The following PTPRM variants were observed in gnomAD, a reference collection of about 807,000 sequenced individuals.
The protein encoded by PTPRM is receptor-type tyrosine-protein phosphatase mu.
Under a neutral mutation model 186.7 loss-of-function variants are expected in PTPRM, and 47 were observed. That is an observed-to-expected ratio of 0.25 (90% CI 0.20 to 0.32). The LOEUF is 0.32. Ranked by LOEUF, PTPRM falls within the 10% of genes least tolerant of loss-of-function variation. The probability of loss-of-function intolerance (pLI) is 1.00; values close to 1 mark genes in which losing one functional copy is unlikely to be tolerated. For synonymous variants in PTPRM, 668 were observed against 674.9 expected, an observed-to-expected ratio of 0.99 and a Z score of 0.16; for missense variants, 1,494 against 1,865.0, an observed-to-expected ratio of 0.80 and a Z score of 3.66.
At chr18:8,291,658 G>T (rs536875884) in intron 19 of PTPRM, among the ~76,000 whole-genome samples, 1 of 152,040 alleles carries the variant, frequency 6.6e-6, no homozygotes. Flanking sequence ...AAAAATGCAC[G>T]GGTGAACATC....
At chr18:7,939,769 C>T (rs1809369007) in intron 5 of PTPRM, among the ~76,000 whole-genome samples, 1 of 152,142 alleles carries the variant, frequency 6.6e-6, no homozygotes, top group Non-Finnish European at 1.5e-5. Context: ...CCAGTGAACT[C>T]TCATATGGTA....
At chr18:7,917,272 G>A (rs907773801) in intron 4 of PTPRM, among the ~76,000 whole-genome samples, 2 of 152,206 alleles carry the variant, frequency 1.3e-5, no homozygotes, top group Admixed American at 6.5e-5. Flanking sequence ...GGTGGCTCAC[G>A]CCTGTAATCC....
At chr18:8,323,678 T>C (rs1208308147) in intron 22 of PTPRM, among the ~76,000 whole-genome samples, 2 of 152,138 alleles carry the variant, frequency 1.3e-5, no homozygotes, top group African/African-American at 4.8e-5. Flanking sequence ...TTTGTCTCCA[T>C]CAGCATTAGC....
chr18:7,705,393 CTCTT>C (rs977173582), intron 1 of PTPRM, among the ~76,000 whole-genome samples: 10 of 149,114 alleles, frequency 6.7e-5, no homozygotes, highest in African/African-American at 1.0e-4. Context: ...ATCTGCCTCT[CTCTT>C]TCTTTCTCTT....
At chr18:7,833,878 T>G (rs2045891124) in intron 2 of PTPRM, among the ~76,000 whole-genome samples, 1 of 152,194 alleles carries the variant, frequency 6.6e-6, no homozygotes, top group African/African-American at 2.4e-5. Context: ...CATCTTTAGG[T>G]TTTTCTAAAT....
chr18:7,918,609 T>C (rs1481721837), intron 4 of PTPRM, among the ~76,000 whole-genome samples: 1 of 152,192 alleles, frequency 6.6e-6, no homozygotes, highest in African/African-American at 2.4e-5. Flanking sequence ...TCAGTGAATC[T>C]GAAGACAGCT....
At chr18:8,219,666 T>TG (rs1182096436) in intron 14 of PTPRM, among the ~76,000 whole-genome samples, 2 of 152,098 alleles carry the variant, frequency 1.3e-5, no homozygotes, top group African/African-American at 4.8e-5. Context: ...TATCTTGAGG[T>TG]GGAGGCTTAC....
At chr18:7,616,465 T>C (rs2037808090) in intron 1 of PTPRM, among the ~76,000 whole-genome samples, 1 of 152,128 alleles carries the variant, frequency 6.6e-6, no homozygotes, top group Non-Finnish European at 1.5e-5. Flanking sequence ...AATGCTCCAC[T>C]GCAGATCTCA....
intron 5 of PTPRM, among the ~76,000 whole-genome samples, chr18:7,947,566 G>A (rs1305285060): frequency 2.0e-5 from 3 of 152,146 alleles, no homozygotes; most frequent in Non-Finnish European, 2.9e-5. Context: ...TGAGCACACA[G>A]GTGCTTGCCC....
Position 8,399,348 on chromosome 18 carries a change from C to T in PTPRM, c.4344+4737C>T, listed in dbSNP as rs139456469. 1.7e-4 allele frequency among the ~76,000 whole-genome samples: 26 copies of T among 152,288 alleles called. No homozygotes were observed. The East Asian group carries it at 5.0e-3, about 29-fold the overall frequency. ...CCTATTTCAAAGTTCAGTTGGATGG[C>T]GACGTAGCACCTAGCACGAGGGACT... On this transcript the variant is annotated intron_variant, in intron 32 of 32. Transcript: ENST00000580170.
intron 8 of PTPRM, among the ~76,000 whole-genome samples, chr18:8,075,850 G>A (rs1474226573): frequency 1.3e-5 from 2 of 151,932 alleles, no homozygotes; most frequent in East Asian, 3.9e-4. Context: ...CAGTGTTATG[G>A]TTATAACTTG....
chr18:7,613,904 A>G (rs1007095711), intron 1 of PTPRM, among the ~76,000 whole-genome samples: 1 of 152,180 alleles, frequency 6.6e-6, no homozygotes, highest in African/African-American at 2.4e-5. Flanking sequence ...GCTCTGTTGA[A>G]TGGAAATCTG....
chr18:7,972,478 T>TAAAAAAAAAAAAAAAAAAAAA (rs1491072208), intron 7 of PTPRM, among the ~76,000 whole-genome samples: 1 of 8,132 alleles, frequency 1.2e-4, no homozygotes, highest in Non-Finnish European at 2.9e-4. Context: ...AAAAAAAACA[T>TAAAAAAAAAAAAAAAAAAAAA]TAAAAAAAAA....
chr18:8,186,493 T>C (rs1011143035), intron 14 of PTPRM, among the ~76,000 whole-genome samples: 48 of 152,212 alleles, frequency 3.2e-4, no homozygotes, highest in African/African-American at 1.2e-3. Flanking sequence ...GCTTCGTATT[T>C]TAACATTCCT....
chr18:7,974,664 C>T (rs568434669), intron 7 of PTPRM, among the ~76,000 whole-genome samples: 1 of 152,318 alleles, frequency 6.6e-6, no homozygotes, highest in East Asian at 1.9e-4. Flanking sequence ...CTATTGGCCT[C>T]AACCCCAGGC....
At chr18:7,828,852 G>A (rs1203413290) in intron 2 of PTPRM, among the ~76,000 whole-genome samples, 1 of 152,106 alleles carries the variant, frequency 6.6e-6, no homozygotes, top group Admixed American at 6.5e-5. Context: ...GAGGGAATAA[G>A]TATGAGCAAA....
intron 7 of PTPRM, among the ~76,000 whole-genome samples, chr18:8,050,627 G>A (rs2087422192): frequency 6.6e-6 from 1 of 152,134 alleles, no homozygotes; most frequent in Non-Finnish European, 1.5e-5. Flanking sequence ...GACTTTCAGT[G>A]TGCACAGCAT....
intron 7 of PTPRM, among the ~76,000 whole-genome samples, chr18:7,990,343 G>A (rs1477118636): frequency 2.0e-5 from 3 of 152,130 alleles, no homozygotes; most frequent in Admixed American, 2.0e-4. Flanking sequence ...GTGTTCTGTG[G>A]TTTGATTCTC....
At chr18:7,942,599 G>A (rs1282333273) in intron 5 of PTPRM, among the ~76,000 whole-genome samples, 1 of 144,652 alleles carries the variant, frequency 6.9e-6, no homozygotes, top group Non-Finnish European at 1.5e-5. Context: ...CCATCTCAGG[G>A]CAGAAAGGGG....
Sources: allele counts gnomAD v4.1 joint callset (sites outside exome capture counted in the v4.1 genomes callset), GRCh38; gene constraint gnomAD v4.1.1; transcripts MANE v1.5; gene names NCBI Gene and HGNC (gene_info 2026-07-23, HGNC 2026-07-21).